The following WNT9B variants were observed in gnomAD, a reference collection of about 807,000 sequenced individuals.
WNT9B encodes the protein protein Wnt-9b.
In WNT9B, 12 loss-of-function variants were observed where a neutral mutation model predicts 30.2. The observed-to-expected ratio is 0.40, with a 90% CI of 0.26 to 0.64. WNT9B has a LOEUF of 0.64. Among genes scored for constraint, WNT9B ranks in the 30% least tolerant of loss-of-function variants. The probability of loss-of-function intolerance (pLI) is 0.42; values close to 1 mark genes in which losing one functional copy is unlikely to be tolerated. For synonymous variants in WNT9B, 218 were observed against 216.9 expected (o/e 1.01, Z -0.05); for missense variants, 442 against 485.2 (o/e 0.91, Z 0.84).
In WNT9B at chr17:46,839,538, G is replaced by GT. The variant is rs749725454; in HGVS notation, c.95+6105dup. Among the ~76,000 whole-genome samples, 841 of 152,084 alleles carry GT rather than the reference G, an allele frequency of 5.5e-3. 12 individuals are homozygous for GT. Among genetic ancestry groups the GT allele is most frequent in the African/African-American group, 0.019 (768 of 41,468 alleles). ...GTAAATTCTTTATATATATATATAT[G>GT]TTTTTTTATTATACTTTAAGTTCTA... On this transcript the variant is annotated intron_variant, in intron 1 of 2. Coordinates refer to the WNT9B transcript ENST00000575372.
chr17:46,843,587 C>G (rs953110990), intron 1 of WNT9B, among the ~76,000 whole-genome samples: 3 of 152,188 alleles, frequency 2.0e-5, no homozygotes, highest in Non-Finnish European at 4.4e-5. Flanking sequence ...TACTGCTGCA[C>G]AGTCGTTAAA....
intron 1 of WNT9B, among the ~76,000 whole-genome samples, chr17:46,871,843 T>G: frequency 6.6e-6 from 1 of 152,208 alleles, no homozygotes; most frequent in East Asian, 1.9e-4. Context: ...CCTTCCCTTC[T>G]CTTTCCTTCC....
intron 1 of WNT9B, among the ~76,000 whole-genome samples, chr17:46,843,595 A>T (rs2084740706): frequency 6.6e-6 from 1 of 152,134 alleles, no homozygotes. Context: ...CACAGTCGTT[A>T]AATATGTGTC....
intron 1 of WNT9B, among the ~76,000 whole-genome samples, chr17:46,871,260 A>C (rs959820046): frequency 1.3e-5 from 2 of 152,120 alleles, no homozygotes; most frequent in Non-Finnish European, 2.9e-5. Flanking sequence ...GAACAGGGTT[A>C]CTTCTCTTGG....
upstream of WNT9B, among the ~76,000 whole-genome samples, chr17:46,848,270 T>A (rs1019286624): frequency 6.6e-6 from 1 of 151,878 alleles, no homozygotes; most frequent in African/African-American, 2.4e-5. Context: ...CAGGAAGGAG[T>A]GCTTCCGTCA....
chr17:46,858,455 C>T (rs7223191), intron 1 of WNT9B, among the ~76,000 whole-genome samples: 3,730 of 151,804 alleles, frequency 0.025, 155 homozygotes, highest in African/African-American at 0.086. Context: ...TTTCTTCCTA[C>T]GTTTTCTCCT....
Position 46,856,571 on chromosome 17 carries a change from G to T in WNT9B, c.77+4856G>T, listed in dbSNP as rs138015220. On this transcript the variant is annotated intron_variant, in intron 1 of 3. Transcript: ENST00000290015. ...GCAATCTCGGCTCACTGCAGCCTCC[G>T]CCTCCCGGTTCAAGTGATTCTCCTG... Among the ~76,000 whole-genome samples the T allele has an allele frequency of 9.3e-3, 1,394 of 150,314 alleles. 25 individuals carry two copies. Among genetic ancestry groups the T allele is most frequent in the African/African-American group, 0.033 (1,333 of 40,790 alleles).
In WNT9B at chr17:46,878,195, A is replaced by C. The variant is rs1246656269; in HGVS notation, c.*1477A>C. 6.6e-6 allele frequency among the ~76,000 whole-genome samples: 1 copy of C among 152,370 alleles called. No homozygotes were observed. Among genetic ancestry groups the C allele is most frequent in the East Asian group, 1.9e-4 (1 of 5,184 alleles). ...CAGGAGGAAGTGACTTCTTTCGGGA[A>C]GCCCTTGGCCACTTTGCTGGCCCTG... On this transcript the variant is annotated 3_prime_UTR_variant, in exon 4 of 4. Transcript: ENST00000290015.
At chr17:46,876,170 G>A (rs1489903292) in intron 3 of WNT9B, 75 bp from the exon 4 acceptor site, 2 of 1,387,022 alleles carry the variant, frequency 1.4e-6, no homozygotes, top group African/African-American at 2.9e-5. Context: ...CCCTGCTGGG[G>A]TTGGTGCTCT....
chr17:46,868,310 G>C (rs2146588666), intron 1 of WNT9B, among the ~76,000 whole-genome samples: 1 of 152,274 alleles, frequency 6.6e-6, no homozygotes, highest in African/African-American at 2.4e-5. Flanking sequence ...CCCCATATTT[G>C]GCTGGGCGTG....
At chr17:46,841,593 G>A (rs985720220) in intron 1 of WNT9B, among the ~76,000 whole-genome samples, 2 of 152,248 alleles carry the variant, frequency 1.3e-5, no homozygotes, top group African/African-American at 4.8e-5. Context: ...ACAGGGCTTC[G>A]GAGAAGGGAG....
chr17:46,835,722 T>G (rs73314649), intron 1 of WNT9B, among the ~76,000 whole-genome samples: 2 of 152,358 alleles, frequency 1.3e-5, no homozygotes, highest in African/African-American at 4.8e-5. Flanking sequence ...AGGGATGAGT[T>G]GTTAAGGGTT....
At chr17:46,837,091 C>A (rs542425939) in intron 1 of WNT9B, among the ~76,000 whole-genome samples, 23 of 152,056 alleles carry the variant, frequency 1.5e-4, no homozygotes, top group African/African-American at 5.3e-4. Context: ...TACAGGCACT[C>A]GCCACCATGC....
chr17:46,843,900 C>A (rs2146527986), intron 1 of WNT9B, among the ~76,000 whole-genome samples: 1 of 152,292 alleles, frequency 6.6e-6, no homozygotes, highest in East Asian at 1.9e-4. Context: ...GGGTTTAGCA[C>A]CAGATGCTTA....
upstream of WNT9B, chr17:46,851,439 G>A (rs1267800663): frequency 2.0e-5 from 5 of 246,244 alleles, no homozygotes; most frequent in Non-Finnish European, 3.9e-5. This position sits in a 1 kb window ranked among gnomAD's most constrained non-coding sequence, Gnocchi z 4.3. Context: ...TGCCCCACCC[G>A]CGACGGGGCG....
chr17:46,848,122 G>C (rs1164227308), upstream of WNT9B, among the ~76,000 whole-genome samples: 2 of 152,084 alleles, frequency 1.3e-5, no homozygotes, highest in African/African-American at 4.8e-5. Flanking sequence ...ATACCTGTGT[G>C]AACGTGTGGA....
chr17:46,875,166 G>T lies in WNT9B; in HGVS notation c.400G>T (p.Ala134Ser). The T allele has an allele frequency of 6.2e-7, 1 of 1,614,006 alleles. No homozygotes were observed. The highest frequency in any genetic ancestry group is 1.3e-5 in the African/African-American group (1 of 75,054). The stretch of plus-strand genomic sequence containing the variant: ...CGCCCTCACCCACACCCTGGCCCGG[G>T]CCTGCAGCGCTGGGCGCATGGAGCG... Reference protein sequence around the residue: ...SAALTHTLARACSAGRMERCT... With the variant: ...SAALTHTLARSCSAGRMERCT... Residue 134 changes from alanine (A) to serine (S), a missense_variant, in exon 3 of 4, where the codon GCC (alanine) becomes TCC (serine). By Grantham distance (99) the Ala-to-Ser change is moderately conservative (BLOSUM62 1). Coordinates refer to ENST00000290015, the MANE Select transcript of WNT9B (RefSeq NM_003396.3).
At chr17:46,839,275 T>G (rs191212584) in intron 1 of WNT9B, among the ~76,000 whole-genome samples, 1 of 152,386 alleles carries the variant, frequency 6.6e-6, no homozygotes, top group Admixed American at 6.5e-5. Context: ...CTAATATGTT[T>G]GTGGCCATGC....
At chr17:46,883,772 T>G (rs1205225121), downstream of WNT9B, among the ~76,000 whole-genome samples, 1 of 152,142 alleles carries the variant, frequency 6.6e-6, no homozygotes, top group Non-Finnish European at 1.5e-5. Context: ...GGTGGCATCT[T>G]CCAGTCCTGC....
Sources: allele counts gnomAD v4.1 joint callset (sites outside exome capture counted in the v4.1 genomes callset), GRCh38; gene constraint gnomAD v4.1.1; non-coding constraint Gnocchi (gnomAD v3.1); transcripts MANE v1.5; gene names NCBI Gene and HGNC (gene_info 2026-07-23, HGNC 2026-07-21).